SRBD1: variants seen among roughly 807,000 people sequenced by gnomAD.
SRBD1 encodes S1 RNA-binding domain-containing protein 1.
A neutral mutation model predicts 115.3 loss-of-function variants in SRBD1; 88 were observed. That is an observed-to-expected ratio of 0.76 (90% CI 0.64 to 0.91). SRBD1 has a LOEUF of 0.91. SRBD1 is among the 40% of genes least tolerant of loss of function. The pLI, the probability that SRBD1 is intolerant of heterozygous loss-of-function variation, is 0.00. For synonymous variants in SRBD1, 509 were observed against 407.7 expected, an observed-to-expected ratio of 1.25 and a Z score of -2.99; for missense variants, 1,385 against 1,177.4, an observed-to-expected ratio of 1.18 and a Z score of -2.58.
chr2:45,604,398 A>AGGGG (rs1179478169), intron 2 of SRBD1, among the ~76,000 whole-genome samples: 3 of 140,206 alleles, frequency 2.1e-5, no homozygotes, highest in Non-Finnish European at 3.1e-5. Context: ...GGGTGGAGGA[A>AGGGG]GGGGAGGGCT....
intron 14 of SRBD1, chr2:45,546,372 A>G (rs17394527): frequency 0.52 from 516,535 of 984,006 alleles, 136,463 homozygotes; most frequent in African/African-American, 0.55. Flanking sequence ...TTTGGGAGAA[A>G]AAGGCTAAGT....
At chr2:45,570,050 T>A (rs889465586) in intron 9 of SRBD1, among the ~76,000 whole-genome samples, 1 of 152,236 alleles carries the variant, frequency 6.6e-6, no homozygotes, top group African/African-American at 2.4e-5. Context: ...TAAAATTTTG[T>A]TGAAACACAA....
chr2:45,418,359 A>G lies in SRBD1; in HGVS notation c.2333+6T>C. On this transcript the variant is annotated splice_donor_region_variant and intron_variant, in intron 18 of 20. Transcript: ENST00000263736. ...CAATAGAATCAAAGTGTATACTTATACTCACCTGCAAAACGTTCGGATATA... is the reference window on the plus strand; with the variant it reads ...CAATAGAATCAAAGTGTATACTTATGCTCACCTGCAAAACGTTCGGATATA... 1 of 1,613,370 alleles carries G rather than the reference A, an allele frequency of 6.2e-7. No homozygotes were observed. Among genetic ancestry groups the G allele is most frequent in the East Asian group, 2.2e-5 (1 of 44,860 alleles).
At chr2:45,520,706 C>A (rs1472604584) in intron 14 of SRBD1, among the ~76,000 whole-genome samples, 2 of 152,160 alleles carry the variant, frequency 1.3e-5, no homozygotes, top group Non-Finnish European at 2.9e-5. Context: ...CATCTGAACA[C>A]CAAGATGAGT....
chr2:45,406,710 T>C (rs1667447719), intron 19 of SRBD1, among the ~76,000 whole-genome samples: 1 of 152,166 alleles, frequency 6.6e-6, no homozygotes, highest in Non-Finnish European at 1.5e-5. Flanking sequence ...CATAAAATTC[T>C]ACATACTCTA....
chr2:45,463,822 G>A (rs940820885), intron 16 of SRBD1, among the ~76,000 whole-genome samples: 3 of 151,904 alleles, frequency 2.0e-5, no homozygotes, highest in Non-Finnish European at 4.4e-5. Context: ...ACCAATATAT[G>A]CATCCACACA....
intron 19 of SRBD1, among the ~76,000 whole-genome samples, chr2:45,402,657 G>C (rs1667322612): frequency 6.6e-6 from 1 of 152,158 alleles, no homozygotes; most frequent in African/African-American, 2.4e-5. Context: ...TGAGTGCCAA[G>C]TGACAGTCTT....
chr2:45,604,094 T>C (rs1674186476), intron 2 of SRBD1, among the ~76,000 whole-genome samples: 1 of 152,088 alleles, frequency 6.6e-6, no homozygotes, highest in Admixed American at 6.5e-5. Flanking sequence ...CCATTTCTCA[T>C]CACTTTCACA....
chr2:45,590,155 C>G lies in SRBD1; in HGVS notation c.649-4381G>C, dbSNP rs145791832. 2.8e-3 allele frequency among the ~76,000 whole-genome samples: 422 copies of G among 152,324 alleles called. 1 individual carries two copies. Among genetic ancestry groups the G allele is most frequent in the African/African-American group, 9.8e-3 (407 of 41,590 alleles). ...GTAATGCTGAAATATATAAAACTGC[C>G]TTTGCAAAAATCATAACTGAGAAAA... On this transcript the variant is annotated intron_variant, in intron 4 of 20. Coordinates refer to ENST00000263736, the MANE Select transcript of SRBD1 (RefSeq NM_018079.5).
chr2:45,526,551 C>A (rs770421518), intron 14 of SRBD1, among the ~76,000 whole-genome samples: 1 of 151,844 alleles, frequency 6.6e-6, no homozygotes, highest in Non-Finnish European at 1.5e-5. Context: ...AGCTGCACAT[C>A]TGTGAATATA....
At chr2:45,435,906 AT>A (rs1200843639) in intron 16 of SRBD1, among the ~76,000 whole-genome samples, 1 of 152,234 alleles carries the variant, frequency 6.6e-6, no homozygotes, top group Non-Finnish European at 1.5e-5. Flanking sequence ...TTCCTAAATA[AT>A]TCTATGAAAC....
At chr2:45,488,478 A>T in intron 14 of SRBD1, 147 bp from the exon 15 acceptor site, 4 of 587,254 alleles carry the variant, frequency 6.8e-6, no homozygotes, top group Non-Finnish European at 1.2e-5. Context: ...GACAGCATCT[A>T]ATATTTCATT....
intron 15 of SRBD1, among the ~76,000 whole-genome samples, chr2:45,478,518 G>A (rs1395729164): frequency 2.6e-5 from 4 of 152,132 alleles, no homozygotes; most frequent in African/African-American, 7.2e-5. Context: ...CAGAAGAGAC[G>A]GGGATTCCAA....
intron 16 of SRBD1, among the ~76,000 whole-genome samples, chr2:45,461,627 G>A (rs780667435): frequency 2.6e-5 from 4 of 151,818 alleles, no homozygotes; most frequent in African/African-American, 4.8e-5. Context: ...AACTGACGCC[G>A]CCCCTACTTT....
At chr2:45,406,957 T>C (rs1489550843) in intron 19 of SRBD1, among the ~76,000 whole-genome samples, 1 of 152,076 alleles carries the variant, frequency 6.6e-6, no homozygotes, top group Admixed American at 6.6e-5. Flanking sequence ...GTCTTTAGGG[T>C]ACAATACCTT....
intron 14 of SRBD1, among the ~76,000 whole-genome samples, chr2:45,526,207 C>A (rs1042315189): frequency 3.9e-5 from 6 of 151,940 alleles, no homozygotes; most frequent in African/African-American, 1.4e-4. Flanking sequence ...AACTCAATGT[C>A]AATCGACTAA....
rs190074005 is a variant in SRBD1, at chr2:45,601,967, C to T, written c.197G>A (p.Arg66Gln). 53 of 1,614,196 alleles carry T rather than the reference C, an allele frequency of 3.3e-5. No individual in the cohort carries two copies. In the East Asian group the frequency reaches 6.7e-4, roughly 20 times the overall value. ...GATCTGTGGGGCATTCTTCTTCACC[C>T]GAGGCATCCTCTTTGGTTTGGATTC... ...PKESKPKRMPRVKKNAPQISD... is the reference protein window; with the variant it reads ...PKESKPKRMPQVKKNAPQISD... The change falls in exon 3 of 21, where the codon CGG becomes CAG. Residue 66 changes from arginine to glutamine, a missense_variant. By Grantham distance (43) the Arg-to-Gln change is conservative. Transcript: ENST00000263736.
intron 14 of SRBD1, among the ~76,000 whole-genome samples, chr2:45,490,139 G>A (rs944356561): frequency 6.6e-6 from 1 of 152,018 alleles, no homozygotes; most frequent in Non-Finnish European, 1.5e-5. Context: ...TAATGATCAA[G>A]GAGAAAATGT....
intron 14 of SRBD1, among the ~76,000 whole-genome samples, chr2:45,513,287 T>C (rs969288761): frequency 2.6e-5 from 4 of 152,144 alleles, no homozygotes; most frequent in African/African-American, 4.8e-5. Flanking sequence ...TTTCTTGCCA[T>C]CTGCTGAGAT....
Sources: allele counts gnomAD v4.1 joint callset (sites outside exome capture counted in the v4.1 genomes callset), GRCh38; gene constraint gnomAD v4.1.1; transcripts MANE v1.5; gene names NCBI Gene and HGNC (gene_info 2026-07-23, HGNC 2026-07-21).